The following CSMD2 variants were observed in gnomAD, a reference collection of about 807,000 sequenced individuals.
CSMD2 encodes CUB and sushi domain-containing protein 2.
In CSMD2, 130 loss-of-function variants were observed where a neutral mutation model predicts 398.5. The observed-to-expected ratio is 0.33, with a 90% CI of 0.28 to 0.38. The LOEUF (loss-of-function observed/expected upper bound fraction) is 0.38, where lower values mean the gene tolerates loss of function less well. CSMD2 is among the 10% of genes least tolerant of loss of function. CSMD2 has a pLI of 1.00. For missense variants in CSMD2, 3,829 were observed against 4,764.9 expected (o/e 0.80, Z 5.78); for synonymous variants, 1,828 against 1,908.5 (o/e 0.96, Z 1.10).
rs1255271562 is a variant in CSMD2, at chr1:33,635,739, C to A, written c.4970-409G>T. 6.6e-6 allele frequency among the ~76,000 whole-genome samples: 1 copy of A among 152,160 alleles called. No individual in the cohort carries two copies. The highest frequency in any genetic ancestry group is 2.4e-5 in the African/African-American group (1 of 41,434). On this transcript the variant is annotated intron_variant, in intron 30 of 70. Coordinates refer to ENST00000373381, the MANE Select transcript of CSMD2 (RefSeq NM_001281956.2). The surrounding 1 kb of genome is among the most constrained non-coding windows in gnomAD (Gnocchi z 5.0). ...CAGTGTGAATAGGGAGCTGAAGCTT[C>A]CCCGGACTAACCCCATGGGGAGTGG...
intron 1 of CSMD2, among the ~76,000 whole-genome samples, chr1:34,127,786 T>G (rs2148488086): frequency 6.6e-6 from 1 of 152,260 alleles, no homozygotes; most frequent in African/African-American, 2.4e-5. Context: ...GTTGCAGGAC[T>G]GACCCAGGGC....
intron 2 of CSMD2, among the ~76,000 whole-genome samples, chr1:34,076,992 A>T (rs1656455227): frequency 7.1e-6 from 1 of 140,614 alleles, no homozygotes. Context: ...AGCCTTAAGG[A>T]GCTTAGAATC....
chr1:33,825,595 G>T, intron 7 of CSMD2, 102 bp downstream of exon 7: 1 of 1,045,784 alleles, frequency 9.6e-7, no homozygotes, highest in Non-Finnish European at 1.4e-6. Context: ...CAGGGTTGAA[G>T]GAAAGTCATT....
intron 6 of CSMD2, among the ~76,000 whole-genome samples, chr1:33,827,460 TC>T (rs1658959815): frequency 6.6e-6 from 1 of 152,166 alleles, no homozygotes. Context: ...GCTCCCCTTT[TC>T]CCTTAAGTGT....
intron 32 of CSMD2, among the ~76,000 whole-genome samples, chr1:33,627,188 C>A (rs921867082): frequency 1.3e-5 from 2 of 152,122 alleles, no homozygotes; most frequent in East Asian, 3.9e-4. Flanking sequence ...CTGTCCCAGG[C>A]AAACCAGGAT....
At chr1:33,984,077 C>T (rs1018605912) in intron 3 of CSMD2, among the ~76,000 whole-genome samples, 10 of 152,148 alleles carry the variant, frequency 6.6e-5, no homozygotes, top group African/African-American at 1.9e-4. Flanking sequence ...TGGCGTGAAC[C>T]CTGGAGGCGG....
intron 3 of CSMD2, among the ~76,000 whole-genome samples, chr1:33,970,676 T>C (rs1645729458): frequency 6.6e-6 from 1 of 152,150 alleles, no homozygotes; most frequent in Non-Finnish European, 1.5e-5. Context: ...CCTACCTGAG[T>C]CCAGGTGCGT....
At chr1:34,078,095 G>A (rs573440811) in intron 2 of CSMD2, among the ~76,000 whole-genome samples, 7 of 151,900 alleles carry the variant, frequency 4.6e-5, no homozygotes, top group African/African-American at 1.4e-4. Flanking sequence ...TCAGCCTCCC[G>A]AGTAGTAGCT....
chr1:33,809,189 A>G (rs1226087360), intron 10 of CSMD2, among the ~76,000 whole-genome samples: 2 of 152,060 alleles, frequency 1.3e-5, no homozygotes, highest in African/African-American at 4.8e-5. Flanking sequence ...TTCTGAGGCT[A>G]GCAATATATT....
Position 33,743,665 on chromosome 1 carries a change from G to A in CSMD2, c.1847-59C>T, listed in dbSNP as rs572070808. 1.3e-5 allele frequency: 16 copies of A among 1,228,124 alleles called. No homozygotes were observed. The African/African-American group carries it at 2.3e-4, about 17-fold the overall frequency. The allele number at this position is 1,228,124 out of a possible 1,614,324, so 76.1% of individuals were successfully genotyped here. A position where few individuals can be genotyped will look rare whatever the true frequency, so the allele number is the denominator to read the frequency against. ...TCCCCAACATTCTGCCTGCACCACTGAGGGCTGGCAGGGGGAACATCTTCT... is the reference window on the plus strand; with the variant it reads ...TCCCCAACATTCTGCCTGCACCACTAAGGGCTGGCAGGGGGAACATCTTCT... On this transcript the variant is annotated intron_variant, in intron 13 of 70. Transcript: ENST00000373381.
chr1:33,705,748 C>T (rs1303590752), intron 22 of CSMD2, among the ~76,000 whole-genome samples: 1 of 151,262 alleles, frequency 6.6e-6, no homozygotes, highest in East Asian at 1.9e-4. Flanking sequence ...CATTCCTTCT[C>T]TTTTTTGAAA....
At chr1:33,975,295 C>T (rs955279789) in intron 3 of CSMD2, among the ~76,000 whole-genome samples, 7 of 152,146 alleles carry the variant, frequency 4.6e-5, no homozygotes, top group African/African-American at 1.7e-4. Context: ...CACAAGGGCT[C>T]CTGACAGTTT....
chr1:33,990,234 T>C (rs561514384), intron 3 of CSMD2, among the ~76,000 whole-genome samples: 89 of 152,088 alleles, frequency 5.9e-4, no homozygotes, highest in Non-Finnish European at 9.3e-4. Context: ...ATCGTGCCAC[T>C]GCACTCCAGC....
intron 2 of CSMD2, among the ~76,000 whole-genome samples, chr1:34,060,741 T>C (rs1654400060): frequency 6.6e-6 from 1 of 152,302 alleles, no homozygotes; most frequent in East Asian, 1.9e-4. Flanking sequence ...ATCTTTTCAA[T>C]TGATTCTTTG....
intron 27 of CSMD2, among the ~76,000 whole-genome samples, chr1:33,654,042 G>A (rs1424348716): frequency 6.6e-6 from 1 of 152,162 alleles, no homozygotes; most frequent in Non-Finnish European, 1.5e-5. Context: ...ATCCCTAACA[G>A]GGTCTCAAAC....
At chr1:33,713,302 G>A (rs907827362) in intron 21 of CSMD2, among the ~76,000 whole-genome samples, 1 of 152,128 alleles carries the variant, frequency 6.6e-6, no homozygotes, top group African/African-American at 2.4e-5. Context: ...GACTTGTCTC[G>A]GGCACAGCTG....
intron 48 of CSMD2, among the ~76,000 whole-genome samples, chr1:33,578,876 G>A (rs1240334899): frequency 6.6e-6 from 1 of 152,154 alleles, no homozygotes; most frequent in Non-Finnish European, 1.5e-5. Flanking sequence ...TTAAATAGCT[G>A]CCTTCCAAGC....
intron 22 of CSMD2, among the ~76,000 whole-genome samples, chr1:33,707,703 A>G (rs763124550): frequency 0.016 from 1,376 of 87,758 alleles, 20 homozygotes; most frequent in Middle Eastern, 0.033. Context: ...GCGCACACAC[A>G]CACACACACA....
intron 27 of CSMD2, among the ~76,000 whole-genome samples, chr1:33,656,079 G>A (rs1052353044): frequency 1.5e-5 from 1 of 66,038 alleles, no homozygotes; most frequent in African/African-American, 7.2e-5. Flanking sequence ...TGAGCAGATG[G>A]AATTCTGGCT....
Sources: allele counts gnomAD v4.1 joint callset (sites outside exome capture counted in the v4.1 genomes callset), GRCh38; gene constraint gnomAD v4.1.1; non-coding constraint Gnocchi (gnomAD v3.1); transcripts MANE v1.5; gene names NCBI Gene and HGNC (gene_info 2026-07-23, HGNC 2026-07-21).